The following SLC6A11 variants were observed in gnomAD, a reference collection of about 807,000 sequenced individuals.
The protein encoded by SLC6A11 is solute carrier family 6 member 11.
In SLC6A11, 25 loss-of-function variants were observed where a neutral mutation model predicts 74.8. The ratio of observed to expected loss-of-function variants is 0.33; its 90% CI spans 0.24 to 0.47. The LOEUF (loss-of-function observed/expected upper bound fraction) is 0.47, where lower values mean the gene tolerates loss of function less well. Ranked by LOEUF, SLC6A11 falls within the 20% of genes least tolerant of loss-of-function variation. The pLI is 1.00. For missense variants in SLC6A11, 574 were observed against 837.0 expected, an observed-to-expected ratio of 0.69 and a Z score of 3.88; for synonymous variants, 330 against 330.2, an observed-to-expected ratio of 1.00 and a Z score of 0.01.
chr3:10,859,446 T>C (rs1418880031), intron 5 of SLC6A11, among the ~76,000 whole-genome samples: 1 of 152,118 alleles, frequency 6.6e-6, no homozygotes, highest in African/African-American at 2.4e-5. Context: ...ACTCTGCAAG[T>C]AGACCCATTA....
chr3:10,821,183 G>C (rs1352324622), intron 3 of SLC6A11, among the ~76,000 whole-genome samples: 2 of 152,208 alleles, frequency 1.3e-5, no homozygotes, highest in Non-Finnish European at 2.9e-5. Flanking sequence ...TTGGAGGCCT[G>C]TGAGTCCTCT....
chr3:10,919,558 A>G (rs1010943845), intron 8 of SLC6A11, among the ~76,000 whole-genome samples: 1 of 152,198 alleles, frequency 6.6e-6, no homozygotes, highest in Non-Finnish European at 1.5e-5. Context: ...CAAAATAGGC[A>G]GGCCAAGGGG....
At chr3:10,838,520 A>G (rs1694396470) in intron 4 of SLC6A11, among the ~76,000 whole-genome samples, 2 of 152,204 alleles carry the variant, frequency 1.3e-5, no homozygotes, top group Non-Finnish European at 2.9e-5. Context: ...AAGCCAGGAT[A>G]GGAGGATCAC....
chr3:10,881,911 G>T (rs921428332), intron 6 of SLC6A11, among the ~76,000 whole-genome samples: 2 of 152,168 alleles, frequency 1.3e-5, no homozygotes, highest in African/African-American at 4.8e-5. Context: ...ATGCCTATTT[G>T]CTGTGTCATT....
chr3:10,929,142 C>G, intron 9 of SLC6A11, 60 bp from the exon 10 acceptor site: 2 of 1,586,780 alleles, frequency 1.3e-6, no homozygotes, highest in Admixed American at 3.4e-5. Context: ...TTGCCCAGAG[C>G]CTGGGCCACC....
rs943925628 is a variant in SLC6A11, at chr3:10,933,141, C to T, written c.1372-10C>T. On this transcript the variant is annotated splice_polypyrimidine_tract_variant and intron_variant, in intron 10 of 13. Coordinates refer to ENST00000254488, the MANE Select transcript of SLC6A11 (RefSeq NM_014229.3). ...ACCTCCCATCCGTGTGTCTGTTCCC[C>T]GACCTGCAGGGTGGCATGTACATCT... The T allele has an allele frequency of 5.0e-6, 8 of 1,606,960 alleles. No homozygotes were observed. Among genetic ancestry groups the T allele is most frequent in the East Asian group, 2.2e-5 (1 of 44,840 alleles).
intron 6 of SLC6A11, among the ~76,000 whole-genome samples, chr3:10,884,289 A>G (rs545115905): frequency 1.3e-5 from 2 of 152,296 alleles, no homozygotes; most frequent in Admixed American, 6.5e-5. Context: ...TCATTGATTG[A>G]TTGCTGACTT....
intron 4 of SLC6A11, among the ~76,000 whole-genome samples, chr3:10,834,997 C>T (rs1694347255): frequency 1.3e-5 from 2 of 152,316 alleles, no homozygotes; most frequent in South Asian, 4.1e-4. Flanking sequence ...GGGATGCACC[C>T]AGGCTGGGAC....
intron 5 of SLC6A11, among the ~76,000 whole-genome samples, chr3:10,848,907 T>A (rs1694538812): frequency 6.6e-6 from 1 of 152,204 alleles, no homozygotes; most frequent in Non-Finnish European, 1.5e-5. Context: ...TGTCCAAAGC[T>A]ACCCACTTGG....
At chr3:10,846,820 C>T (rs1023867718) in intron 5 of SLC6A11, among the ~76,000 whole-genome samples, 7 of 152,086 alleles carry the variant, frequency 4.6e-5, no homozygotes, top group Admixed American at 2.0e-4. Context: ...TAAGGGAGGG[C>T]GGGCAGCCTG....
intron 6 of SLC6A11, among the ~76,000 whole-genome samples, chr3:10,900,830 G>A (rs1036004648): frequency 2.0e-5 from 3 of 152,186 alleles, no homozygotes; most frequent in African/African-American, 7.2e-5. Context: ...CCCATGGGAT[G>A]TGGGTTCTGC....
At chr3:10,909,167 T>C (rs1695351013) in intron 6 of SLC6A11, among the ~76,000 whole-genome samples, 1 of 149,940 alleles carries the variant, frequency 6.7e-6, no homozygotes, top group Admixed American at 6.6e-5. Flanking sequence ...TGCTCATCCA[T>C]GAACCAGTCA....
At chr3:10,875,158 C>T in intron 6 of SLC6A11, 63 bp downstream of exon 6, 1 of 1,417,642 alleles carries the variant, frequency 7.1e-7, no homozygotes, top group Admixed American at 2.1e-5. Flanking sequence ...TCTGCAGAGC[C>T]CCTGCCACTG....
chr3:10,831,084 C>G (rs1439029769), intron 4 of SLC6A11, among the ~76,000 whole-genome samples: 1 of 152,202 alleles, frequency 6.6e-6, no homozygotes, highest in East Asian at 1.9e-4. Context: ...TCCTCCACAG[C>G]CTCCCACTTG....
At chr3:10,927,528 T>G (rs1695625339) in intron 9 of SLC6A11, among the ~76,000 whole-genome samples, 1 of 152,250 alleles carries the variant, frequency 6.6e-6, no homozygotes, top group African/African-American at 2.4e-5. Flanking sequence ...CTGAGTGACT[T>G]GCTCGGTCGT....
chr3:10,856,880 A>G (rs11719338), intron 5 of SLC6A11, among the ~76,000 whole-genome samples: 28,822 of 152,062 alleles, frequency 0.19, 3,439 homozygotes, highest in South Asian at 0.34. Context: ...CTGTTTCCTC[A>G]GCTTTACCTG....
chr3:10,920,872 T>C (rs1303860798), intron 8 of SLC6A11, among the ~76,000 whole-genome samples: 2 of 152,210 alleles, frequency 1.3e-5, no homozygotes. Context: ...GTGCCTCTGG[T>C]TGGGGGTGTG....
At chr3:10,837,952 T>G (rs1359182857) in intron 4 of SLC6A11, among the ~76,000 whole-genome samples, 1 of 152,200 alleles carries the variant, frequency 6.6e-6, no homozygotes, top group Non-Finnish European at 1.5e-5. Flanking sequence ...TTTGTTTTGG[T>G]GATGGGCCTT....
intron 9 of SLC6A11, among the ~76,000 whole-genome samples, chr3:10,928,463 G>T (rs1291247612): frequency 6.6e-6 from 1 of 152,178 alleles, no homozygotes; most frequent in African/African-American, 2.4e-5. Flanking sequence ...AACCAGGTGA[G>T]GGGGTGGTCG....
Sources: gnomAD v4.1 joint callset for allele counts (sites outside exome capture counted in the v4.1 genomes callset) on GRCh38, gnomAD v4.1.1 for gene constraint, MANE v1.5 for transcripts, NCBI Gene and HGNC (gene_info 2026-07-23, HGNC 2026-07-21) for gene names.